Variants in FAM47E observed in about 807,000 individuals in gnomAD.
FAM47E encodes family with sequence similarity 47 member E.
FAM47E carries 32 observed loss-of-function variants against 41.6 expected under a neutral mutation model. That is an observed-to-expected ratio of 0.77 (90% CI 0.58 to 1.03). The LOEUF is 1.03. Ranked by LOEUF, FAM47E falls within the 50% of genes least tolerant of loss-of-function variation. The probability of loss-of-function intolerance (pLI) is 0.00; values close to 1 mark genes in which losing one functional copy is unlikely to be tolerated. For synonymous variants in FAM47E, 184 were observed against 188.7 expected, an observed-to-expected ratio of 0.98 and a Z score of 0.20; for missense variants, 424 against 485.4, an observed-to-expected ratio of 0.87 and a Z score of 1.19.
chr4:76,274,081 A>G (rs1037953818), intron 5 of FAM47E, among the ~76,000 whole-genome samples: 1 of 152,100 alleles, frequency 6.6e-6, no homozygotes, highest in African/African-American at 2.4e-5. Flanking sequence ...GTCAGTTTCC[A>G]CTAGGTGATT....
At chr4:76,214,620 G>A (rs1417626746) in intron 1 of FAM47E, among the ~76,000 whole-genome samples, 1 of 152,222 alleles carries the variant, frequency 6.6e-6, no homozygotes, top group Admixed American at 6.5e-5. Flanking sequence ...CATCGCTGGT[G>A]TTCTTGCCTG....
intron 2 of FAM47E, among the ~76,000 whole-genome samples, chr4:76,246,089 A>G (rs1348206): frequency 0.83 from 126,320 of 152,078 alleles, 52,719 homozygotes; most frequent in Middle Eastern, 0.88. Context: ...AAATCTCTAG[A>G]GAGATTCTGT....
At chr4:76,273,136 G>A (rs186657021) in intron 5 of FAM47E, among the ~76,000 whole-genome samples, 9 of 152,226 alleles carry the variant, frequency 5.9e-5, no homozygotes, top group Non-Finnish European at 7.4e-5. Context: ...GATAACAGGC[G>A]GTTACTCAGT....
In FAM47E at chr4:76,222,259, C is replaced by T. The variant is rs148553531; in HGVS notation, c.81+4571C>T. 5.6e-3 allele frequency among the ~76,000 whole-genome samples: 847 copies of T among 150,672 alleles called. 7 individuals carry two copies. The highest frequency in any genetic ancestry group is 0.019 in the African/African-American group (776 of 40,862). ...TTTTTTTTTCTGAGACCGAGTCTCA[C>T]TCTGTTGCCCAGGCTGGAGTGCAGT... On this transcript the variant is annotated intron_variant, in intron 2 of 7. Coordinates refer to the FAM47E transcript ENST00000510197.
At chr4:76,266,971 T>C (rs949700920) in intron 3 of FAM47E, among the ~76,000 whole-genome samples, 1 of 152,192 alleles carries the variant, frequency 6.6e-6, no homozygotes, top group Non-Finnish European at 1.5e-5. Flanking sequence ...ATTACTTTAA[T>C]AGAGACAACT....
upstream of FAM47E, among the ~76,000 whole-genome samples, chr4:76,247,050 A>C (rs543229652): frequency 2.0e-5 from 3 of 152,204 alleles, no homozygotes; most frequent in Admixed American, 2.0e-4. Context: ...TCACTATTTC[A>C]AAATTTTTTC....
At chr4:76,242,645 G>A (rs1346320926) in intron 2 of FAM47E, among the ~76,000 whole-genome samples, 1 of 152,112 alleles carries the variant, frequency 6.6e-6, no homozygotes, top group East Asian at 1.9e-4. Context: ...AGCCTCATGT[G>A]GCAAATGAAT....
At chr4:76,234,928 A>T (rs1324721327) in intron 2 of FAM47E, among the ~76,000 whole-genome samples, 3 of 152,162 alleles carry the variant, frequency 2.0e-5, no homozygotes, top group Admixed American at 6.5e-5. Flanking sequence ...CTCTCAAAAA[A>T]AATTTTTCTT....
At chr4:76,256,036 A>T in intron 1 of FAM47E, 142 bp from the exon 2 acceptor site, 1 of 877,922 alleles carries the variant, frequency 1.1e-6, no homozygotes, top group Non-Finnish European at 1.7e-6. Context: ...CAGCTTCTCC[A>T]GTGAATCCCA....
At chr4:76,268,415 AT>A (rs1734734145) in intron 3 of FAM47E, 1 of 375,240 alleles carries the variant, frequency 2.7e-6, no homozygotes, top group Non-Finnish European at 4.7e-6. Context: ...ATTTAAAAAA[AT>A]CAACTTATAA....
chr4:76,252,070 C>T (rs1006095145), intron 1 of FAM47E, among the ~76,000 whole-genome samples: 2 of 152,206 alleles, frequency 1.3e-5, no homozygotes, highest in African/African-American at 4.8e-5. Context: ...GACTAATATC[C>T]CCATTTCTGA....
At chr4:76,261,011 T>C (rs1321255039) in intron 2 of FAM47E, among the ~76,000 whole-genome samples, 2 of 146,476 alleles carry the variant, frequency 1.4e-5, no homozygotes, top group African/African-American at 5.0e-5. Context: ...ACAAAGGACA[T>C]GAACAGCCAC....
chr4:76,241,498 C>T (rs1375956896), intron 2 of FAM47E, among the ~76,000 whole-genome samples: 1 of 151,966 alleles, frequency 6.6e-6, no homozygotes, highest in African/African-American at 2.4e-5. Flanking sequence ...AAGTTGTGTG[C>T]AAACTGGTCC....
chr4:76,280,554 C>G (rs555568085), intron 7 of FAM47E: 1 of 449,030 alleles, frequency 2.2e-6, no homozygotes, highest in African/African-American at 2.0e-5. Context: ...TATTTGGTTT[C>G]TGCTACTATC....
intron 2 of FAM47E, among the ~76,000 whole-genome samples, chr4:76,259,417 A>G (rs1734314180): frequency 6.6e-6 from 1 of 152,226 alleles, no homozygotes; most frequent in African/African-American, 2.4e-5. Context: ...CGCTTTGGCT[A>G]TTGGATGGCA....
intron 2 of FAM47E, among the ~76,000 whole-genome samples, chr4:76,242,090 G>A (rs1167936738): frequency 1.3e-5 from 2 of 152,154 alleles, no homozygotes; most frequent in Non-Finnish European, 2.9e-5. Flanking sequence ...TCTTTTCTAT[G>A]CTTATAATAG....
chr4:76,242,000 T>C (rs921239960), intron 2 of FAM47E, among the ~76,000 whole-genome samples: 4 of 152,150 alleles, frequency 2.6e-5, no homozygotes, highest in Non-Finnish European at 4.4e-5. Context: ...TCTTATTTCC[T>C]GGAGAAAAAA....
At chr4:76,272,007 A>G (rs532066833) in intron 5 of FAM47E, among the ~76,000 whole-genome samples, 2 of 152,306 alleles carry the variant, frequency 1.3e-5, no homozygotes, top group Admixed American at 1.3e-4. Flanking sequence ...ATTTTCAGAG[A>G]TAATTTGTTA....
intron 5 of FAM47E, among the ~76,000 whole-genome samples, chr4:76,275,894 C>T (rs566296570): frequency 6.6e-6 from 1 of 152,234 alleles, no homozygotes; most frequent in Admixed American, 6.5e-5. Context: ...CCTTCCTCCA[C>T]CTCAGGGATA....
Sources: allele counts gnomAD v4.1 joint callset (sites outside exome capture counted in the v4.1 genomes callset), GRCh38; gene constraint gnomAD v4.1.1; transcripts MANE v1.5; gene names NCBI Gene and HGNC (gene_info 2026-07-23, HGNC 2026-07-21).